Variants in MACROD2 observed in about 807,000 individuals in gnomAD.
MACROD2 encodes the protein ADP-ribose glycohydrolase MACROD2.
Under a neutral mutation model 70.4 loss-of-function variants are expected in MACROD2, and 36 were observed. That is an observed-to-expected ratio of 0.51 (90% CI 0.39 to 0.68). MACROD2 has a LOEUF of 0.68. Ranked by LOEUF, MACROD2 falls within the 30% of genes least tolerant of loss-of-function variation. The pLI is 0.00. For missense variants in MACROD2, 496 were observed against 538.4 expected (o/e 0.92, Z 0.78); for synonymous variants, 172 against 178.8 (o/e 0.96, Z 0.30).
chr20:15,022,514 A>G (rs1283037390), intron 5 of MACROD2, among the ~76,000 whole-genome samples: 1 of 152,222 alleles, frequency 6.6e-6, no homozygotes, highest in Non-Finnish European at 1.5e-5. Context: ...TGTACAATTT[A>G]TGAACATGAC....
chr20:15,790,224 A>G (rs2063611497), intron 8 of MACROD2, among the ~76,000 whole-genome samples: 2 of 152,016 alleles, frequency 1.3e-5, no homozygotes, highest in Admixed American at 1.3e-4. Flanking sequence ...ATGGTGGTAT[A>G]TTGAAATAAT....
intron 2 of MACROD2, among the ~76,000 whole-genome samples, chr20:14,067,286 G>C (rs2148659044): frequency 6.6e-6 from 1 of 151,240 alleles, no homozygotes; most frequent in Admixed American, 6.6e-5. Flanking sequence ...ACCATGCCCA[G>C]GTAATTTTTG....
chr20:14,439,632 T>C (rs2084098355), intron 3 of MACROD2, among the ~76,000 whole-genome samples: 1 of 152,170 alleles, frequency 6.6e-6, no homozygotes, highest in African/African-American at 2.4e-5. Context: ...TGTACAACTT[T>C]GGGCAGAATG....
At chr20:15,588,246 G>C (rs577775201) in intron 8 of MACROD2, among the ~76,000 whole-genome samples, 64 of 152,292 alleles carry the variant, frequency 4.2e-4, no homozygotes, top group African/African-American at 1.4e-3. Context: ...GCCATGGCTG[G>C]AGTGGCTGGG....
At chr20:14,839,738 G>T (rs2073067228) in intron 5 of MACROD2, among the ~76,000 whole-genome samples, 1 of 151,944 alleles carries the variant, frequency 6.6e-6, no homozygotes, top group African/African-American at 2.4e-5. Flanking sequence ...ACTGATTTTT[G>T]GATATTAGGA....
intron 5 of MACROD2, among the ~76,000 whole-genome samples, chr20:14,867,406 T>C (rs2122407500): frequency 6.6e-6 from 1 of 152,196 alleles, no homozygotes; most frequent in Admixed American, 6.5e-5. Flanking sequence ...GAAGTGTAAA[T>C]GTTGTTTCAG....
intron 2 of MACROD2, among the ~76,000 whole-genome samples, chr20:14,008,520 T>C (rs1160845415): frequency 3.3e-5 from 5 of 152,132 alleles, no homozygotes; most frequent in Admixed American, 3.3e-4. Flanking sequence ...GAAGAATCAA[T>C]ATTACAAAAA....
intron 6 of MACROD2, among the ~76,000 whole-genome samples, chr20:15,266,636 C>T (rs145190084): frequency 2.5e-4 from 38 of 152,318 alleles, no homozygotes; most frequent in African/African-American, 9.1e-4. Context: ...CACAAATGTT[C>T]CAAATCTCAA....
intron 5 of MACROD2, among the ~76,000 whole-genome samples, chr20:15,039,130 C>T (rs951416537): frequency 6.6e-6 from 1 of 151,978 alleles, no homozygotes; most frequent in East Asian, 1.9e-4. Context: ...GAACCAAAGA[C>T]CCAGGGAAAA....
At chr20:14,271,298 T>C (rs2082193313) in intron 3 of MACROD2, among the ~76,000 whole-genome samples, 1 of 152,078 alleles carries the variant, frequency 6.6e-6, no homozygotes, top group African/African-American at 2.4e-5. Context: ...AGACAAAACT[T>C]CCAGAGGAAC....
At chr20:14,795,101 G>A (rs948582852) in intron 5 of MACROD2, among the ~76,000 whole-genome samples, 3 of 152,062 alleles carry the variant, frequency 2.0e-5, no homozygotes, top group African/African-American at 7.3e-5. Flanking sequence ...CACAGGGAGA[G>A]GAGAGAGAAT....
rs148559550 is a variant in MACROD2 at position 15,464,490 on chromosome 20, A to G, written c.571+33055A>G. Among the ~76,000 whole-genome samples the G allele has an allele frequency of 4.0e-3, 603 of 152,318 alleles. 4 individuals are homozygous for G. The highest frequency in any genetic ancestry group is 0.012 in the African/African-American group (510 of 41,580). On this transcript the variant is annotated intron_variant, in intron 7 of 17. Coordinates refer to ENST00000684519, the MANE Select transcript of MACROD2 (RefSeq NM_001351661.2). ...CCTAATAATTTAAGTCACTTGCCCT[A>G]TGAACTAGCCAACCTGCTTCCTCAC... is the stretch of plus-strand genomic sequence containing the variant.
intron 5 of MACROD2, among the ~76,000 whole-genome samples, chr20:14,726,649 A>G (rs1216256365): frequency 6.6e-6 from 1 of 152,192 alleles, no homozygotes; most frequent in Non-Finnish European, 1.5e-5. Flanking sequence ...AAACAACACT[A>G]TGGCTTAAGT....
rs2067014060 is a variant in MACROD2 at position 16,022,283 on chromosome 20, C to G, written c.1154-18918C>G. Reference sequence around the variant, plus strand: ...AGCCAGGATGGTCTCGATCTCCTGACATTGTGATCCGCCCACCTCGGCCTC... The same window carrying G: ...AGCCAGGATGGTCTCGATCTCCTGAGATTGTGATCCGCCCACCTCGGCCTC... On this transcript the variant is annotated intron_variant, in intron 15 of 17. Transcript: ENST00000684519. 2.0e-5 allele frequency among the ~76,000 whole-genome samples: 3 copies of G among 152,274 alleles called. No individual in the cohort carries two copies. In the South Asian group the frequency reaches 6.2e-4, roughly 32 times the overall value.
intron 10 of MACROD2, among the ~76,000 whole-genome samples, chr20:15,906,714 T>C (rs948056484): frequency 1.3e-5 from 2 of 152,366 alleles, no homozygotes; most frequent in Middle Eastern, 3.4e-3. Flanking sequence ...CTTGACACTT[T>C]TGAAGATTGC....
intron 8 of MACROD2, among the ~76,000 whole-genome samples, chr20:15,503,283 A>G (rs2047386626): frequency 6.6e-6 from 1 of 152,236 alleles, no homozygotes; most frequent in Admixed American, 6.5e-5. Context: ...TTGTGTTGCC[A>G]TGCTACAGAT....
At chr20:14,154,505 C>T (rs1290583373) in intron 3 of MACROD2, among the ~76,000 whole-genome samples, 1 of 150,618 alleles carries the variant, frequency 6.6e-6, no homozygotes, top group Admixed American at 6.6e-5. Context: ...CCTGCCTCAG[C>T]CTCCCAAGTA....
In MACROD2 at chr20:15,936,665, A is replaced by C. The variant is rs530662491; in HGVS notation, c.839-811A>C. Among the ~76,000 whole-genome samples the C allele has an allele frequency of 5.2e-3, 203 of 38,690 alleles. 2 individuals carry two copies. The highest frequency in any genetic ancestry group is 0.01 in the African/African-American group (185 of 18,298). The allele number at this position is 38,690 out of a possible 152,430, so 25.4% of individuals were successfully genotyped here. A position where few individuals can be genotyped will look rare whatever the true frequency, so the allele number is the denominator to read the frequency against. ...CCCATCTTTTGTCCATAATGTGTATATGTGTGTATATATATATATATATTC... is the reference window on the plus strand; with the variant it reads ...CCCATCTTTTGTCCATAATGTGTATCTGTGTGTATATATATATATATATTC... On this transcript the variant is annotated intron_variant, in intron 11 of 17. Transcript: ENST00000684519.
At chr20:14,489,930 G>A (rs537657519) in intron 3 of MACROD2, among the ~76,000 whole-genome samples, 2 of 151,430 alleles carry the variant, frequency 1.3e-5, no homozygotes, top group East Asian at 1.9e-4. Context: ...GCACAATCTC[G>A]GCTCACTGCC....
Sources: gnomAD v4.1 joint callset for allele counts (sites outside exome capture counted in the v4.1 genomes callset) on GRCh38, gnomAD v4.1.1 for gene constraint, MANE v1.5 for transcripts, NCBI Gene and HGNC (gene_info 2026-07-23, HGNC 2026-07-21) for gene names.